The following EPS15 variants were observed in gnomAD, a reference collection of about 807,000 sequenced individuals.
The protein encoded by EPS15 is epidermal growth factor receptor pathway substrate 15.
In EPS15, 72 loss-of-function variants were observed where a neutral mutation model predicts 113.8. That is an observed-to-expected ratio of 0.63 (90% CI 0.52 to 0.77). The LOEUF is 0.77. Ranked by LOEUF, EPS15 falls within the 30% of genes least tolerant of loss-of-function variation. The probability of loss-of-function intolerance (pLI) is 0.00; values close to 1 mark genes in which losing one functional copy is unlikely to be tolerated. For missense variants in EPS15, 1,048 were observed against 1,045.8 expected (o/e 1.00, Z -0.03); for synonymous variants, 344 against 363.4 (o/e 0.95, Z 0.61).
At chr1:51,356,983 T>C (rs541319556) in intron 24 of EPS15, 137 bp from the exon 25 acceptor site, 39 of 660,502 alleles carry the variant, frequency 5.9e-5, no homozygotes, top group Middle Eastern at 8.2e-4. Context: ...CTTTTTTTTT[T>C]CCCCCTGAAA....
intron 12 of EPS15, among the ~76,000 whole-genome samples, chr1:51,427,727 G>A (rs1453505033): frequency 1.3e-5 from 2 of 152,192 alleles, no homozygotes; most frequent in Non-Finnish European, 2.9e-5. Context: ...CTTCAGCTAA[G>A]CCTTGAAGGA....
At chr1:51,366,743 C>G (rs1263201379) in intron 21 of EPS15, among the ~76,000 whole-genome samples, 1 of 152,206 alleles carries the variant, frequency 6.6e-6, no homozygotes, top group Non-Finnish European at 1.5e-5. Context: ...TCCTTCAAGA[C>G]ATATTTCAAA....
intron 8 of EPS15, chr1:51,458,449 G>T: frequency 2.8e-6 from 1 of 355,220 alleles, no homozygotes; most frequent in South Asian, 2.0e-5. Flanking sequence ...CTATATTTTT[G>T]TCTTGGGCCT....
intron 1 of EPS15, among the ~76,000 whole-genome samples, chr1:51,512,726 T>C (rs1272809742): frequency 6.6e-6 from 1 of 152,172 alleles, no homozygotes; most frequent in African/African-American, 2.4e-5. Flanking sequence ...TGAAATTGTT[T>C]GAAATCTTTC....
chr1:51,379,308 T>C (rs1455187804), intron 21 of EPS15, among the ~76,000 whole-genome samples: 1 of 151,998 alleles, frequency 6.6e-6, no homozygotes, highest in Non-Finnish European at 1.5e-5. Context: ...TTAGTAGAGA[T>C]GGAGTTTCAT....
intron 1 of EPS15, among the ~76,000 whole-genome samples, chr1:51,491,560 GA>G (rs1458624173): frequency 6.6e-6 from 1 of 152,174 alleles, no homozygotes; most frequent in Non-Finnish European, 1.5e-5. Context: ...ACAGAAGAAT[GA>G]AAAATAGTAA....
chr1:51,443,793 C>T (rs1652795900), intron 11 of EPS15, among the ~76,000 whole-genome samples: 1 of 152,016 alleles, frequency 6.6e-6, no homozygotes, highest in African/African-American at 2.4e-5. Context: ...GCTAGAACTA[C>T]AGGTACACGC....
intron 7 of EPS15, among the ~76,000 whole-genome samples, chr1:51,461,386 TG>T (rs1474957887): frequency 6.6e-6 from 1 of 151,964 alleles, no homozygotes; most frequent in Non-Finnish European, 1.5e-5. Flanking sequence ...CTGGGCATGG[TG>T]GCATCCACCT....
At chr1:51,432,340 A>G (rs1452143370) in intron 12 of EPS15, among the ~76,000 whole-genome samples, 2 of 151,262 alleles carry the variant, frequency 1.3e-5, no homozygotes, top group African/African-American at 2.4e-5. Flanking sequence ...GTATGTATGT[A>G]TGTATGTATA....
chr1:51,385,362 G>C (rs1169172963), intron 21 of EPS15, among the ~76,000 whole-genome samples: 2 of 152,118 alleles, frequency 1.3e-5, no homozygotes, highest in Non-Finnish European at 2.9e-5. Flanking sequence ...AAAGCAATAA[G>C]ATACCACTTC....
At chr1:51,502,078 G>C (rs1482549382) in intron 1 of EPS15, among the ~76,000 whole-genome samples, 1 of 151,604 alleles carries the variant, frequency 6.6e-6, no homozygotes, top group African/African-American at 2.4e-5. Context: ...GACCACCCTG[G>C]GCAACATAGT....
At chr1:51,377,123 C>G (rs1258325667) in intron 21 of EPS15, among the ~76,000 whole-genome samples, 1 of 152,050 alleles carries the variant, frequency 6.6e-6, no homozygotes, top group African/African-American at 2.4e-5. Context: ...AAAAAATTAG[C>G]TGAGCGTGGT....
At chr1:51,461,178 T>C in intron 7 of EPS15, 28 bp from the exon 8 acceptor site, 1 of 1,475,074 alleles carries the variant, frequency 6.8e-7, no homozygotes, top group South Asian at 1.1e-5. Flanking sequence ...TGAAAAAAGA[T>C]TAATGTTCTT....
intron 4 of EPS15, among the ~76,000 whole-genome samples, chr1:51,470,055 T>C (rs6661367): frequency 0.063 from 9,576 of 152,258 alleles, 957 homozygotes; most frequent in African/African-American, 0.21. Flanking sequence ...CATGACCCTC[T>C]TTCTTTTCTC....
intron 1 of EPS15, among the ~76,000 whole-genome samples, chr1:51,494,206 T>A (rs1316592777): frequency 6.6e-6 from 1 of 152,176 alleles, no homozygotes; most frequent in East Asian, 1.9e-4. Flanking sequence ...AGTAAAATCC[T>A]TCCTTGCCCT....
intron 1 of EPS15, among the ~76,000 whole-genome samples, chr1:51,485,828 G>A (rs542985556): frequency 2.6e-5 from 4 of 152,092 alleles, no homozygotes; most frequent in South Asian, 2.1e-4. Flanking sequence ...GATGGAGTTC[G>A]CTCTTGTCGC....
intron 2 of EPS15, among the ~76,000 whole-genome samples, chr1:51,480,544 C>G (rs1644002110): frequency 6.6e-6 from 1 of 152,172 alleles, no homozygotes; most frequent in South Asian, 2.1e-4. Flanking sequence ...GATGGAGTTT[C>G]ACTCTTTTTG....
At chr1:51,494,609 A>G (rs1029858986) in intron 1 of EPS15, among the ~76,000 whole-genome samples, 6 of 152,248 alleles carry the variant, frequency 3.9e-5, no homozygotes, top group Admixed American at 1.3e-4. Flanking sequence ...CACAAGGGCC[A>G]TAACAAAGTA....
At position 51,355,549 on chromosome 1, in the gene EPS15, CAA is replaced by C. The variant is rs549892649; in HGVS notation, c.*1149_*1150del. ...GTCTCTTCTCTCCCAATTAAAAAAA[CAA>C]GAGTTTTTTTGCTAGCTTGACAATT... On this transcript the variant is annotated 3_prime_UTR_variant, in exon 25 of 25. Coordinates refer to ENST00000371733, the MANE Select transcript of EPS15 (RefSeq NM_001981.3). 6.2e-5 allele frequency: 12 copies of C among 192,056 alleles called. No homozygotes were observed. The South Asian group carries it at 1.7e-3, about 28-fold the overall frequency. 11.9% of individuals were successfully genotyped at this position (192,056 alleles called of 1,614,324 possible).
Sources: allele counts gnomAD v4.1 joint callset (sites outside exome capture counted in the v4.1 genomes callset), GRCh38; gene constraint gnomAD v4.1.1; transcripts MANE v1.5; gene names NCBI Gene and HGNC (gene_info 2026-07-23, HGNC 2026-07-21).